CSMD1: variants seen among roughly 807,000 people sequenced by gnomAD.
CSMD1 encodes CUB and Sushi multiple domains 1, also known as CUB and sushi domain-containing protein 1.
Under a neutral mutation model 417.5 loss-of-function variants are expected in CSMD1, and 213 were observed. The observed-to-expected ratio is 0.51, with a 90% CI of 0.46 to 0.57. The LOEUF (loss-of-function observed/expected upper bound fraction) is 0.57, where lower values mean the gene tolerates loss of function less well. Ranked by LOEUF, CSMD1 falls within the 20% of genes least tolerant of loss-of-function variation. The pLI, the probability that CSMD1 is intolerant of heterozygous loss-of-function variation, is 0.00. For synonymous variants in CSMD1, 2,862 were observed against 1,736.8 expected, an observed-to-expected ratio of 1.65 and a Z score of -16.11; for missense variants, 6,923 against 4,529.7, an observed-to-expected ratio of 1.53 and a Z score of -15.17.
chr8:4,227,581 C>A (rs935789036), intron 3 of CSMD1, among the ~76,000 whole-genome samples: 1 of 152,016 alleles, frequency 6.6e-6, no homozygotes, highest in Non-Finnish European at 1.5e-5. Context: ...AGAGAAGTCC[C>A]ACAGCCCCCG....
intron 5 of CSMD1, among the ~76,000 whole-genome samples, chr8:3,971,860 T>C (rs1230642178): frequency 6.6e-6 from 1 of 152,210 alleles, no homozygotes; most frequent in Non-Finnish European, 1.5e-5. Flanking sequence ...CCTGTGTATC[T>C]ACTAGGTTTC....
intron 2 of CSMD1, among the ~76,000 whole-genome samples, chr8:4,577,967 G>C (rs1056197835): frequency 6.6e-6 from 1 of 152,144 alleles, no homozygotes; most frequent in African/African-American, 2.4e-5. Context: ...ACATGGGTCT[G>C]GTTTCTATGT....
chr8:3,026,894 C>G lies in CSMD1; in HGVS notation c.7855+2425G>C, dbSNP rs148836031. 6.8e-3 allele frequency among the ~76,000 whole-genome samples: 1,028 copies of G among 152,208 alleles called. 9 individuals are homozygous for G. The highest frequency in any genetic ancestry group is 0.014 in the Middle Eastern group (4 of 292). ...TTCCATAGAGGGTCTGCTGAATGAC[C>G]TTGGTAAAGGGGTTTCTAGACTTCT... On this transcript the variant is annotated intron_variant, in intron 51 of 69. Transcript: ENST00000635120.
At chr8:4,888,384 T>C (rs1338995608) in intron 1 of CSMD1, among the ~76,000 whole-genome samples, 1 of 151,964 alleles carries the variant, frequency 6.6e-6, no homozygotes, top group African/African-American at 2.4e-5. Context: ...AGGAGATATA[T>C]GTATATTTTC....
chr8:3,197,157 G>A (rs1001361062), intron 33 of CSMD1, among the ~76,000 whole-genome samples: 2 of 152,194 alleles, frequency 1.3e-5, no homozygotes, highest in African/African-American at 4.8e-5. Context: ...CATTAATTCT[G>A]TCTTCACATT....
Position 2,941,704 on chromosome 8 carries a change from C to T in CSMD1, c.10535+768G>A, listed in dbSNP as rs1308253799. On this transcript the variant is annotated intron_variant, in intron 69 of 69. Coordinates refer to ENST00000635120, the MANE Select transcript of CSMD1 (RefSeq NM_033225.6). ...TTTGCAAATTGATGGGTATTCAGAA[C>T]ACTTTTTCAAGAGATGGAACATCTA... Among the ~76,000 whole-genome samples, 4 of 152,194 alleles carry T rather than the reference C, an allele frequency of 2.6e-5. No homozygotes were observed. The East Asian group carries it at 7.7e-4, about 29-fold the overall frequency.
At chr8:3,224,475 G>T (rs1393127412) in intron 27 of CSMD1, among the ~76,000 whole-genome samples, 1 of 152,154 alleles carries the variant, frequency 6.6e-6, no homozygotes, top group Non-Finnish European at 1.5e-5. Flanking sequence ...CAGTCCCCTG[G>T]TGTATGGAAG....
At chr8:4,397,411 A>G (rs1026056657) in intron 3 of CSMD1, among the ~76,000 whole-genome samples, 1 of 152,306 alleles carries the variant, frequency 6.6e-6, no homozygotes, top group East Asian at 1.9e-4. Context: ...ATTCAAAATA[A>G]GAAATCATTA....
chr8:3,956,565 G>A (rs1811962581), intron 5 of CSMD1, among the ~76,000 whole-genome samples: 1 of 152,188 alleles, frequency 6.6e-6, no homozygotes, highest in Admixed American at 6.5e-5. Flanking sequence ...TACTTAATAT[G>A]TATCAAATAC....
chr8:3,531,917 T>G (rs542593096), intron 10 of CSMD1, among the ~76,000 whole-genome samples: 1 of 152,158 alleles, frequency 6.6e-6, no homozygotes, highest in South Asian at 2.1e-4. Flanking sequence ...AAGAAAGAAA[T>G]GAGCAACATG....
chr8:3,132,330 T>G (rs1817834262), intron 41 of CSMD1, among the ~76,000 whole-genome samples: 1 of 152,094 alleles, frequency 6.6e-6, no homozygotes, highest in South Asian at 2.1e-4. Context: ...TACATTCTCA[T>G]GCTAGCCTAA....
At chr8:4,748,913 G>A (rs1811131214) in intron 1 of CSMD1, among the ~76,000 whole-genome samples, 1 of 152,218 alleles carries the variant, frequency 6.6e-6, no homozygotes, top group South Asian at 2.1e-4. Context: ...AAGGTTCTCT[G>A]CTGCAGACAC....
intron 3 of CSMD1, among the ~76,000 whole-genome samples, chr8:4,286,144 T>C (rs983744015): frequency 1.3e-5 from 2 of 152,192 alleles, no homozygotes; most frequent in East Asian, 3.9e-4. Context: ...CGTTTTTACG[T>C]TCTTTCTGGT....
In CSMD1 at chr8:3,982,089, T is replaced by G. The variant is rs1813915314; in HGVS notation, c.818+15814A>C. ...AGGAGAATGGGGTGAACCTGGGAGG[T>G]GGAGGTTGCAGTGAGTCGAGATTGC... On this transcript the variant is annotated intron_variant, in intron 5 of 69. Coordinates refer to ENST00000635120, the MANE Select transcript of CSMD1 (RefSeq NM_033225.6). Among the ~76,000 whole-genome samples the G allele has an allele frequency of 2.0e-5, 3 of 150,948 alleles. No homozygotes were observed. The Admixed American group carries it at 2.0e-4, about 10-fold the overall frequency.
chr8:3,614,869 G>A (rs887240133), intron 8 of CSMD1, among the ~76,000 whole-genome samples: 6 of 152,170 alleles, frequency 3.9e-5, no homozygotes, highest in African/African-American at 1.4e-4. Flanking sequence ...TCGTGATGAT[G>A]CACTGTTGTC....
At chr8:4,101,240 T>G (rs1376693668) in intron 3 of CSMD1, among the ~76,000 whole-genome samples, 1 of 152,216 alleles carries the variant, frequency 6.6e-6, no homozygotes, top group Non-Finnish European at 1.5e-5. Context: ...TTTTGCTGTT[T>G]CTCCCCTGAG....
chr8:4,267,675 T>G lies in CSMD1; in HGVS notation c.415+152278A>C, dbSNP rs78616709. 4.9e-4 allele frequency among the ~76,000 whole-genome samples: 74 copies of G among 152,214 alleles called. 1 individual carries two copies. In the East Asian group the frequency reaches 0.013, roughly 27 times the overall value. On this transcript the variant is annotated intron_variant, in intron 3 of 69. Coordinates refer to ENST00000635120, the MANE Select transcript of CSMD1 (RefSeq NM_033225.6). ...CATACTTCGTGTTTAGGCTTTGGCTTCACTCCCTCCTTAGTGTCTTACATG... is the reference window on the plus strand; with the variant it reads ...CATACTTCGTGTTTAGGCTTTGGCTGCACTCCCTCCTTAGTGTCTTACATG...
chr8:4,796,309 G>T (rs1797979172), intron 1 of CSMD1, among the ~76,000 whole-genome samples: 1 of 151,928 alleles, frequency 6.6e-6, no homozygotes, highest in African/African-American at 2.4e-5. Context: ...CCATGGAGAT[G>T]AGATGACAAG....
intron 2 of CSMD1, among the ~76,000 whole-genome samples, chr8:4,469,699 A>T (rs972416925): frequency 1.3e-5 from 2 of 152,058 alleles, no homozygotes; most frequent in African/African-American, 4.8e-5. Flanking sequence ...CACAGGCCTA[A>T]CGTCACCACT....
Sources: allele counts gnomAD v4.1 joint callset (sites outside exome capture counted in the v4.1 genomes callset), GRCh38; gene constraint gnomAD v4.1.1; transcripts MANE v1.5; gene names NCBI Gene and HGNC (gene_info 2026-07-23, HGNC 2026-07-21).